PTPRD: variants seen among roughly 807,000 people sequenced by gnomAD.
The protein encoded by PTPRD is receptor-type tyrosine-protein phosphatase delta.
In PTPRD, 34 loss-of-function variants were observed where a neutral mutation model predicts 214.5. The ratio of observed to expected loss-of-function variants is 0.16; its 90% CI spans 0.12 to 0.21. The LOEUF is 0.21. Among genes scored for constraint, PTPRD ranks in the 10% least tolerant of loss-of-function variants. The probability of loss-of-function intolerance (pLI) is 1.00; values close to 1 mark genes in which losing one functional copy is unlikely to be tolerated. For synonymous variants in PTPRD, 1,128 were observed against 845.7 expected, an observed-to-expected ratio of 1.33 and a Z score of -5.79; for missense variants, 2,545 against 2,398.7, an observed-to-expected ratio of 1.06 and a Z score of -1.27.
chr9:8,567,857 T>A (rs2089879417), intron 14 of PTPRD, among the ~76,000 whole-genome samples: 1 of 152,136 alleles, frequency 6.6e-6, no homozygotes, highest in Non-Finnish European at 1.5e-5. Context: ...AAGGCATAGG[T>A]CTTCAGATTC....
chr9:10,412,015 A>G (rs1409190926), intron 2 of PTPRD, among the ~76,000 whole-genome samples: 3 of 151,822 alleles, frequency 2.0e-5, no homozygotes, highest in Non-Finnish European at 4.4e-5. Flanking sequence ...GCAACTATAA[A>G]AATGAATTTC....
At chr9:8,485,481 C>G in intron 28 of PTPRD, 157 bp from the exon 29 acceptor site, 1 of 627,598 alleles carries the variant, frequency 1.6e-6, no homozygotes, top group Non-Finnish European at 2.8e-6. Flanking sequence ...CATTTTAATA[C>G]CCCATTCTCA....
At chr9:9,400,370 G>A (rs2069820819) in intron 8 of PTPRD, among the ~76,000 whole-genome samples, 1 of 151,836 alleles carries the variant, frequency 6.6e-6, no homozygotes. Context: ...CCCAGTATCT[G>A]TTCTGAGGAC....
intron 9 of PTPRD, among the ~76,000 whole-genome samples, chr9:9,332,576 GA>G (rs35299000): frequency 0.68 from 96,221 of 141,460 alleles, 32,107 homozygotes; most frequent in African/African-American, 0.72. Flanking sequence ...ATAGAAGTAA[GA>G]AAAAAAAAAA....
At chr9:10,223,015 G>C (rs1270390435) in intron 3 of PTPRD, among the ~76,000 whole-genome samples, 1 of 151,972 alleles carries the variant, frequency 6.6e-6, no homozygotes, top group Non-Finnish European at 1.5e-5. Context: ...AGAATGAAGA[G>C]TAAAAATTAG....
intron 10 of PTPRD, among the ~76,000 whole-genome samples, chr9:9,105,024 A>T (rs1247647125): frequency 6.6e-6 from 1 of 152,224 alleles, no homozygotes; most frequent in Non-Finnish European, 1.5e-5. Context: ...TTAAAAGAAG[A>T]GAATTCTTCC....
intron 9 of PTPRD, among the ~76,000 whole-genome samples, chr9:9,380,785 T>G (rs562427985): frequency 2.6e-5 from 4 of 152,166 alleles, no homozygotes; most frequent in Non-Finnish European, 5.9e-5. Context: ...ACTGTCAAAA[T>G]CTCTATGATT....
At chr9:10,574,064 T>C (rs767604835) in intron 2 of PTPRD, among the ~76,000 whole-genome samples, 3 of 152,158 alleles carry the variant, frequency 2.0e-5, no homozygotes, top group African/African-American at 4.8e-5. Flanking sequence ...CTGAGGTATA[T>C]AATCCAAATT....
At chr9:8,342,205 TA>T (rs1320053899) in intron 39 of PTPRD, among the ~76,000 whole-genome samples, 1 of 152,010 alleles carries the variant, frequency 6.6e-6, no homozygotes, top group Non-Finnish European at 1.5e-5. Flanking sequence ...TTTTAAAATG[TA>T]AAAAATATTA....
intron 35 of PTPRD, among the ~76,000 whole-genome samples, chr9:8,434,132 G>A (rs796971281): frequency 5.3e-5 from 8 of 152,184 alleles, no homozygotes; most frequent in African/African-American, 1.4e-4. Flanking sequence ...ACAGGCACAC[G>A]CCACCACGCC....
At chr9:9,774,405 G>C (rs1414652919) in intron 5 of PTPRD, among the ~76,000 whole-genome samples, 1 of 152,196 alleles carries the variant, frequency 6.6e-6, no homozygotes, top group African/African-American at 2.4e-5. Context: ...TTTTAACACA[G>C]TGGATAGGGT....
chr9:9,106,539 C>A (rs2099798814), intron 10 of PTPRD, among the ~76,000 whole-genome samples: 1 of 142,018 alleles, frequency 7.0e-6, no homozygotes, highest in Non-Finnish European at 1.5e-5. Flanking sequence ...TACCACCATA[C>A]TACAGAGAAG....
intron 9 of PTPRD, among the ~76,000 whole-genome samples, chr9:9,286,784 C>T (rs1160179849): frequency 2.7e-5 from 4 of 147,882 alleles, no homozygotes; most frequent in African/African-American, 1.0e-4. Context: ...TTTCTTTGAT[C>T]TTTCTGTTGA....
chr9:8,545,303 T>C (rs1181809740), intron 14 of PTPRD, among the ~76,000 whole-genome samples: 12 of 152,192 alleles, frequency 7.9e-5, no homozygotes, highest in Admixed American at 7.9e-4. Context: ...CCATTTCTGA[T>C]AATTCAGTTT....
intron 10 of PTPRD, among the ~76,000 whole-genome samples, chr9:9,148,120 G>T (rs531462726): frequency 6.6e-6 from 1 of 152,144 alleles, no homozygotes; most frequent in African/African-American, 2.4e-5. Context: ...CAAAAATAAA[G>T]AAGAAAATTA....
intron 44 of PTPRD, among the ~76,000 whole-genome samples, chr9:8,324,835 AT>A (rs150365657): frequency 0.14 from 21,412 of 152,032 alleles, 1,944 homozygotes; most frequent in East Asian, 0.35. Flanking sequence ...TTTGATTTGC[AT>A]TTCTCTAATG....
At chr9:9,400,215 T>C (rs1039035667) in intron 8 of PTPRD, among the ~76,000 whole-genome samples, 1 of 151,262 alleles carries the variant, frequency 6.6e-6, no homozygotes, top group African/African-American at 2.4e-5. Flanking sequence ...AGAGGTAACA[T>C]AGTTGGGTAA....
intron 3 of PTPRD, among the ~76,000 whole-genome samples, chr9:10,254,390 G>T: frequency 6.6e-6 from 1 of 151,820 alleles, no homozygotes; most frequent in East Asian, 1.9e-4. Context: ...TTTAATATTT[G>T]GGCCAACTTT....
intron 3 of PTPRD, among the ~76,000 whole-genome samples, chr9:10,217,502 T>G (rs1022653291): frequency 1.3e-5 from 2 of 151,916 alleles, no homozygotes; most frequent in Non-Finnish European, 2.9e-5. Flanking sequence ...AGTACACATT[T>G]AAAATTGATC....
Sources: allele counts gnomAD v4.1 joint callset (sites outside exome capture counted in the v4.1 genomes callset), GRCh38; gene constraint gnomAD v4.1.1; transcripts MANE v1.5; gene names NCBI Gene and HGNC (gene_info 2026-07-23, HGNC 2026-07-21).